B4GALT1: variants seen among roughly 807,000 people sequenced by gnomAD.
B4GALT1 encodes the protein beta-1,4-galactosyltransferase 1.
Under a neutral mutation model 34.9 loss-of-function variants are expected in B4GALT1, and 16 were observed. The observed-to-expected ratio is 0.46, with a 90% CI of 0.31 to 0.70. The LOEUF is 0.70. Among genes scored for constraint, B4GALT1 ranks in the 30% least tolerant of loss-of-function variants. B4GALT1 has a pLI of 0.05. For synonymous variants in B4GALT1, 221 were observed against 218.1 expected (o/e 1.01, Z -0.12); for missense variants, 445 against 530.5 (o/e 0.84, Z 1.58).
chr9:33,113,379 A>T lies in B4GALT1; in HGVS notation c.*75T>A. Reference sequence around the variant, plus strand: ...CAGACTGGTAAAAATGAGAGGGACCAGCCCAGCAGATTGGCAGAGACACAC... The same window carrying T: ...CAGACTGGTAAAAATGAGAGGGACCTGCCCAGCAGATTGGCAGAGACACAC... On this transcript the variant is annotated 3_prime_UTR_variant, in exon 6 of 6. Transcript: ENST00000379731. 3.1e-6 allele frequency: 5 copies of T among 1,606,354 alleles called. No homozygotes were observed.
intron 1 of B4GALT1, among the ~76,000 whole-genome samples, chr9:33,141,365 T>A (rs1333934276): frequency 6.6e-6 from 1 of 151,924 alleles, no homozygotes; most frequent in East Asian, 1.9e-4. Context: ...CTATTAAAAA[T>A]ACAAAAATTA....
chr9:33,160,660 G>C (rs1459265456), intron 1 of B4GALT1, among the ~76,000 whole-genome samples: 1 of 152,116 alleles, frequency 6.6e-6, no homozygotes, highest in Non-Finnish European at 1.5e-5. Context: ...CCAGCAACTC[G>C]GGAGACTGAA....
At chr9:33,110,028 G>T (rs1325257430), downstream of B4GALT1, among the ~76,000 whole-genome samples, 1 of 152,250 alleles carries the variant, frequency 6.6e-6, no homozygotes, top group Non-Finnish European at 1.5e-5. Context: ...GAGGTCACCA[G>T]GGATCCCTCC....
chr9:33,107,253 C>T (rs1328907426), downstream of B4GALT1, among the ~76,000 whole-genome samples: 1 of 152,224 alleles, frequency 6.6e-6, no homozygotes, highest in Non-Finnish European at 1.5e-5. Flanking sequence ...CCAGACAAAC[C>T]TCATTTCCTT....
intron 1 of B4GALT1, among the ~76,000 whole-genome samples, chr9:33,163,099 C>T (rs534140129): frequency 1.6e-4 from 24 of 152,082 alleles, no homozygotes; most frequent in Non-Finnish European, 2.2e-4. Flanking sequence ...CCCAAAAGGG[C>T]GAGAGAGAGT....
chr9:33,123,277 CAAAA>C (rs72342632), intron 2 of B4GALT1, among the ~76,000 whole-genome samples: 5 of 85,696 alleles, frequency 5.8e-5, no homozygotes, highest in African/African-American at 5.1e-5. Context: ...GACACTGTCT[CAAAA>C]AAAAAAAAAA....
downstream of B4GALT1, among the ~76,000 whole-genome samples, chr9:33,106,788 G>A (rs989945574): frequency 6.6e-6 from 1 of 152,148 alleles, no homozygotes; most frequent in African/African-American, 2.4e-5. Context: ...CAGGGCAAGA[G>A]GAAAAGTCAA....
upstream of B4GALT1, among the ~76,000 whole-genome samples, chr9:33,169,967 G>GTTT (rs1840824739): frequency 7.8e-6 from 1 of 127,510 alleles, no homozygotes; most frequent in Non-Finnish European, 1.7e-5. Context: ...TCAGCCCCTA[G>GTTT]ATTTTTTTTT....
Position 33,139,340 on chromosome 9 carries a change from T to C in B4GALT1, c.413-3916A>G, listed in dbSNP as rs928221080. 2.6e-5 allele frequency among the ~76,000 whole-genome samples: 4 copies of C among 152,162 alleles called. No individual in the cohort carries two copies. In the East Asian group the frequency reaches 7.7e-4, roughly 29 times the overall value. ...ATGGCTCTGTGCAGAGCTTTATCAC[T>C]GAACAGCCTCTTCTCACTCTCCTGC... On this transcript the variant is annotated intron_variant, in intron 1 of 5. Transcript: ENST00000379731.
chr9:33,173,490 G>A, the B4GALT1 span, among the ~76,000 whole-genome samples: 203 of 151,332 alleles, frequency 1.3e-3, no homozygotes, highest in Non-Finnish European at 2.2e-3. Context: ...TACAAATATA[G>A]ACAGGGAGAA....
chr9:33,177,719 G>A, the B4GALT1 span, among the ~76,000 whole-genome samples: 2 of 152,196 alleles, frequency 1.3e-5, no homozygotes, highest in African/African-American at 4.8e-5. Flanking sequence ...ATTTCTTACA[G>A]TTATGTGCAT....
the B4GALT1 span, among the ~76,000 whole-genome samples, chr9:33,180,680 C>T: frequency 6.6e-6 from 1 of 152,180 alleles, no homozygotes; most frequent in Non-Finnish European, 1.5e-5. Context: ...AGCGTCACTC[C>T]TAAGAATTCA....
At chr9:33,181,159 C>T in the B4GALT1 span, among the ~76,000 whole-genome samples, 40 of 152,154 alleles carry the variant, frequency 2.6e-4, no homozygotes, top group Non-Finnish European at 2.4e-4. Flanking sequence ...ATGGCTCACG[C>T]CTGTAATCTC....
chr9:33,160,914 A>C (rs368680656), intron 1 of B4GALT1, among the ~76,000 whole-genome samples: 1 of 152,128 alleles, frequency 6.6e-6, no homozygotes, highest in East Asian at 1.9e-4. Flanking sequence ...ATGAGCCTGC[A>C]TTACTTTTTA....
chr9:33,151,559 G>A (rs888759532), intron 1 of B4GALT1, among the ~76,000 whole-genome samples: 2 of 152,182 alleles, frequency 1.3e-5, no homozygotes, highest in South Asian at 4.1e-4. Context: ...CCTTCTCTAA[G>A]GAGTGGGGAT....
intron 1 of B4GALT1, among the ~76,000 whole-genome samples, chr9:33,166,453 C>A (rs145349669): frequency 1.7e-3 from 264 of 152,324 alleles, no homozygotes; most frequent in Non-Finnish European, 2.4e-3. Context: ...AACTCCAAAA[C>A]TTCCTGAGCC....
chr9:33,158,490 T>C (rs754737346), intron 1 of B4GALT1, among the ~76,000 whole-genome samples: 7 of 152,196 alleles, frequency 4.6e-5, no homozygotes, highest in Non-Finnish European at 1.0e-4. Flanking sequence ...CTCCATTTCC[T>C]TTCCTCTCCT....
intron 4 of B4GALT1, 122 bp from the exon 5 acceptor site, chr9:33,114,000 C>A: frequency 1.1e-6 from 1 of 897,048 alleles, no homozygotes; most frequent in Non-Finnish European, 1.8e-6. Context: ...AGCCCACAAC[C>A]CAGCATCATG....
chr9:33,159,635 T>C (rs1840646920), intron 1 of B4GALT1, among the ~76,000 whole-genome samples: 2 of 152,236 alleles, frequency 1.3e-5, no homozygotes, highest in African/African-American at 4.8e-5. Context: ...CTAAGAGAGC[T>C]TCTCCCTAAG....
Sources: allele counts gnomAD v4.1 joint callset (sites outside exome capture counted in the v4.1 genomes callset), GRCh38; gene constraint gnomAD v4.1.1; transcripts MANE v1.5; gene names NCBI Gene and HGNC (gene_info 2026-07-23, HGNC 2026-07-21).